Variants in LYPD6 observed in about 807,000 individuals in gnomAD.
LYPD6 encodes the protein LY6/PLAUR domain containing 6.
Under a neutral mutation model 22.7 loss-of-function variants are expected in LYPD6, and 15 were observed. The observed-to-expected ratio is 0.66, with a 90% CI of 0.44 to 1.02. The LOEUF (loss-of-function observed/expected upper bound fraction) is 1.02. Among genes scored for constraint, LYPD6 ranks in the 50% least tolerant of loss-of-function variants. The pLI is 0.00. For synonymous variants in LYPD6, 72 were observed against 77.5 expected (o/e 0.93, Z 0.37); for missense variants, 189 against 208.4 (o/e 0.91, Z 0.57).
At chr2:149,346,511 A>T (rs186023908) in intron 1 of LYPD6, among the ~76,000 whole-genome samples, 1 of 152,268 alleles carries the variant, frequency 6.6e-6, no homozygotes, top group Non-Finnish European at 1.5e-5. Context: ...CATTTTATGG[A>T]TGGAGGATTT....
intron 1 of LYPD6, among the ~76,000 whole-genome samples, chr2:149,354,341 G>T (rs1681411860): frequency 6.6e-6 from 1 of 152,130 alleles, no homozygotes; most frequent in Admixed American, 6.5e-5. Context: ...CTGAGTAGCT[G>T]GGATTACAGG....
chr2:149,343,262 G>A (rs72862290), intron 1 of LYPD6, among the ~76,000 whole-genome samples: 1,827 of 152,194 alleles, frequency 0.012, 20 homozygotes, highest in Non-Finnish European at 0.018. Context: ...AAATGGAAAG[G>A]AAGAGTGGGC....
At chr2:149,373,879 T>G (rs1681863301) in intron 1 of LYPD6, among the ~76,000 whole-genome samples, 1 of 152,210 alleles carries the variant, frequency 6.6e-6, no homozygotes. Flanking sequence ...TCTAGTTTCT[T>G]TAGCTATTTT....
chr2:149,415,875 T>C (rs539414341), intron 1 of LYPD6, among the ~76,000 whole-genome samples: 1 of 152,122 alleles, frequency 6.6e-6, no homozygotes, highest in Non-Finnish European at 1.5e-5. Flanking sequence ...AGATGGGGTT[T>C]CTCTTCATGT....
At chr2:149,334,333 C>T (rs1680993794) in intron 1 of LYPD6, among the ~76,000 whole-genome samples, 1 of 152,184 alleles carries the variant, frequency 6.6e-6, no homozygotes, top group Non-Finnish European at 1.5e-5. Flanking sequence ...TGTGGAACTA[C>T]TCATCTTTCA....
At chr2:149,385,663 G>C (rs1284996593) in intron 1 of LYPD6, among the ~76,000 whole-genome samples, 1 of 152,166 alleles carries the variant, frequency 6.6e-6, no homozygotes, top group Admixed American at 6.5e-5. Context: ...AACAAACAGA[G>C]TAATTAAGCC....
chr2:149,402,830 T>C (rs961930640), intron 1 of LYPD6, among the ~76,000 whole-genome samples: 16 of 151,800 alleles, frequency 1.1e-4, no homozygotes, highest in Non-Finnish European at 7.4e-5. Flanking sequence ...GCTGCACCCA[T>C]TAACTCGTCA....
intron 1 of LYPD6, among the ~76,000 whole-genome samples, chr2:149,434,169 A>G (rs1254175835): frequency 1.3e-5 from 2 of 152,134 alleles, no homozygotes; most frequent in African/African-American, 4.8e-5. Flanking sequence ...AAGTAGTATG[A>G]TGGAGGGAGG....
chr2:149,401,882 T>C (rs1279335732), intron 1 of LYPD6, among the ~76,000 whole-genome samples: 1 of 144,354 alleles, frequency 6.9e-6, no homozygotes, highest in Non-Finnish European at 1.5e-5. Flanking sequence ...TTCCCCCGAA[T>C]CCCCAAAGTT....
chr2:149,337,044 G>T (rs1251185715), intron 1 of LYPD6, among the ~76,000 whole-genome samples: 1 of 151,568 alleles, frequency 6.6e-6, no homozygotes, highest in Non-Finnish European at 1.5e-5. Context: ...ACATTCAATG[G>T]ATTTTACATT....
At chr2:149,427,554 AAGC>A (rs1683211688) in intron 1 of LYPD6, among the ~76,000 whole-genome samples, 1 of 152,244 alleles carries the variant, frequency 6.6e-6, no homozygotes, top group South Asian at 2.1e-4. Flanking sequence ...GAAAGCAAAC[AAGC>A]ACACAGCCAA....
intron 3 of LYPD6, 124 bp downstream of exon 3, chr2:149,449,271 A>C: frequency 1.6e-6 from 1 of 606,284 alleles, no homozygotes; most frequent in East Asian, 2.9e-5. Flanking sequence ...GTCTAAGGCT[A>C]TTAGATCTTT....
At chr2:149,448,987 A>C (rs1683748302) in intron 2 of LYPD6, 62 bp from the exon 3 acceptor site, 3 of 1,249,464 alleles carry the variant, frequency 2.4e-6, no homozygotes, top group Non-Finnish European at 3.4e-6. Flanking sequence ...AAAATGTCTT[A>C]ACTTCACAGG....
Position 149,472,072 on chromosome 2 carries a change from C to A in LYPD6, c.*1222C>A, listed in dbSNP as rs1021450870. 1.3e-5 allele frequency: 2 copies of A among 152,236 alleles called. No homozygotes were observed. The highest frequency in any genetic ancestry group is 6.6e-5 in the Admixed American group (1 of 15,260). The allele number at this position is 152,236 out of a possible 1,614,324, so 9.4% of individuals were successfully genotyped here. A position where few individuals can be genotyped will look rare whatever the true frequency, so the allele number is the denominator to read the frequency against. On this transcript the variant is annotated 3_prime_UTR_variant, in exon 5 of 5. Transcript: ENST00000334166. ...CTTGTATTTTTTGTACCCCAAGTTA[C>A]AATTTTTCTTCTTCCTTGTAAATAA... is the stretch of plus-strand genomic sequence containing the variant.
intron 1 of LYPD6, among the ~76,000 whole-genome samples, chr2:149,359,830 G>A (rs1046032569): frequency 4.6e-5 from 7 of 152,148 alleles, no homozygotes; most frequent in African/African-American, 1.7e-4. Flanking sequence ...CAGACCCCAA[G>A]AGAGGGTTCC....
intron 1 of LYPD6, among the ~76,000 whole-genome samples, chr2:149,365,812 C>G (rs1429811291): frequency 6.6e-6 from 1 of 152,032 alleles, no homozygotes; most frequent in Non-Finnish European, 1.5e-5. Flanking sequence ...CTTGGAGGAC[C>G]ACAAACTATG....
At chr2:149,432,583 C>T (rs1683340675) in intron 1 of LYPD6, among the ~76,000 whole-genome samples, 1 of 152,164 alleles carries the variant, frequency 6.6e-6, no homozygotes, top group Admixed American at 6.5e-5. Context: ...TCTCTTTCTC[C>T]TTCCATGGGC....
intron 1 of LYPD6, chr2:149,368,263 A>C (rs1429383375): frequency 2.6e-5 from 4 of 152,294 alleles, no homozygotes; most frequent in Non-Finnish European, 5.9e-5. Context: ...CTTTGCTGGG[A>C]GGCATTGGAG....
At chr2:149,453,214 T>C (rs1424856135) in intron 3 of LYPD6, among the ~76,000 whole-genome samples, 1 of 152,190 alleles carries the variant, frequency 6.6e-6, no homozygotes, top group Non-Finnish European at 1.5e-5. Flanking sequence ...TAGGAGCCAA[T>C]TGAAGGAACT....
Sources: gnomAD v4.1 joint callset for allele counts (sites outside exome capture counted in the v4.1 genomes callset) on GRCh38, gnomAD v4.1.1 for gene constraint, MANE v1.5 for transcripts, NCBI Gene and HGNC (gene_info 2026-07-23, HGNC 2026-07-21) for gene names.